Variants in B2M observed in about 807,000 individuals in gnomAD.
B2M encodes beta chain of MHC class I molecules.
In B2M, 3 loss-of-function variants were observed where a neutral mutation model predicts 14.5. The ratio of observed to expected loss-of-function variants is 0.21; its 90% CI spans 0.09 to 0.53. B2M has a LOEUF of 0.53. B2M is among the 20% of genes least tolerant of loss of function. The pLI is 0.95. For missense variants in B2M, 107 were observed against 140.8 expected, an observed-to-expected ratio of 0.76 and a Z score of 1.21; for synonymous variants, 45 against 52.7, an observed-to-expected ratio of 0.85 and a Z score of 0.64.
chr15:44,715,695 A>C lies in B2M; in HGVS notation c.340A>C (p.Lys114Gln), dbSNP rs372078625. The C allele has an allele frequency of 6.4e-5, 104 of 1,614,110 alleles. No homozygotes were observed. The highest frequency in any genetic ancestry group is 7.5e-5 in the Non-Finnish European group (89 of 1,180,042). The change falls in exon 2 of 4, where the codon AAG (lysine) becomes CAG (glutamine). Residue 114 changes from lysine to glutamine, a missense_variant. Lys to Gln is a moderately conservative substitution (Grantham distance 53, BLOSUM62 1). Transcript: ENST00000648006. ...GACTTTGTCACAGCCCAAGATAGTT[A>C]AGTGGGGTAAGTCTTACATTCTTTT... The part of the protein sequence containing the change: ...HVTLSQPKIV[K>Q]WDRDM
intron 3 of B2M, chr15:44,717,378 C>T (rs1267592172): frequency 1.3e-5 from 2 of 152,172 alleles, no homozygotes; most frequent in African/African-American, 4.8e-5. Context: ...GTCATATATA[C>T]AGTCCATCAT....
chr15:44,711,865 G>C, intron 1 of B2M: 1 of 615,300 alleles, frequency 1.6e-6, no homozygotes, highest in Non-Finnish European at 2.9e-6. Context: ...GGCCTACGGC[G>C]ACGGGAGGGT....
At chr15:44,713,311 T>G (rs2086908241) in intron 1 of B2M, 1 of 152,248 alleles carries the variant, frequency 6.6e-6, no homozygotes, top group Non-Finnish European at 1.5e-5. Context: ...CTGGTTATGT[T>G]AGATGTCATT....
Position 44,716,318 on chromosome 15 carries a change from C to T in B2M, c.347-11C>T, listed in dbSNP as rs1427688427. The T allele has an allele frequency of 6.2e-7, 1 of 1,611,524 alleles. No homozygotes were observed. Among genetic ancestry groups the T allele is most frequent in the East Asian group, 2.2e-5 (1 of 44,870 alleles). On this transcript the variant is annotated splice_polypyrimidine_tract_variant and intron_variant, in intron 2 of 3. Coordinates refer to ENST00000648006, the MANE Select transcript of B2M (RefSeq NM_004048.4). ...TGTCTTCCTTTTTTTTCTCCACTGT[C>T]TTTTTCATAGATCGAGACATGTAAG...
intron 2 of B2M, 43 bp from the exon 3 acceptor site, chr15:44,716,286 A>G: frequency 6.3e-7 from 1 of 1,593,444 alleles, no homozygotes; most frequent in Admixed American, 1.7e-5. Context: ...TTAAAAGTAA[A>G]ACTTAATGTC....
chr15:44,715,781 G>T, intron 2 of B2M, 80 bp downstream of exon 2: 1 of 1,549,454 alleles, frequency 6.5e-7, no homozygotes, highest in Non-Finnish European at 8.9e-7. Context: ...ATATAAAAAA[G>T]GTCTATGGCC....
In B2M at chr15:44,716,606, C is replaced by A. The variant is rs2086944275; in HGVS notation, c.*14+250C>A. 25 of 551,832 alleles carry A rather than the reference C, an allele frequency of 4.5e-5. 1 individual carries two copies. The South Asian group carries it at 6.2e-4, about 14-fold the overall frequency. The allele number at this position is 551,832 out of a possible 1,614,324, so 34.2% of individuals were successfully genotyped here. A position where few individuals can be genotyped will look rare whatever the true frequency, so the allele number is the denominator to read the frequency against. ...CAAAGGAACTGCCAGTATGGTATTG[C>A]AGGATAAAGGCAGGTGGTTACCCAC... On this transcript the variant is annotated intron_variant, in intron 3 of 3. Transcript: ENST00000648006.
intron 2 of B2M, 158 bp from the exon 3 acceptor site, chr15:44,716,171 G>T: frequency 1.2e-6 from 1 of 817,014 alleles, no homozygotes; most frequent in Non-Finnish European, 2.0e-6. Context: ...GGAAGGGCTT[G>T]TTCCTGCTGG....
intron 1 of B2M, 182 bp downstream of exon 1, chr15:44,711,795 G>A: frequency 1.2e-6 from 1 of 801,570 alleles, no homozygotes; most frequent in Non-Finnish European, 2.1e-6. Flanking sequence ...GTGGGGAAGG[G>A]GGTGCGCACC....
At chr15:44,711,939 CG>C in intron 1 of B2M, 1 of 499,438 alleles carries the variant, frequency 2.0e-6, no homozygotes. Flanking sequence ...GTTTCTCTTC[CG>C]CTCTTTCGCG....
At chr15:44,716,666 T>C in intron 3 of B2M, 1 of 459,636 alleles carries the variant, frequency 2.2e-6, no homozygotes, top group Non-Finnish European at 3.9e-6. Flanking sequence ...CTTCTGCCAT[T>C]TCCACATTGG....
At chr15:44,716,537 A>G (rs1227348705) in intron 3 of B2M, 181 bp downstream of exon 3, 10 of 686,680 alleles carry the variant, frequency 1.5e-5, no homozygotes, top group African/African-American at 3.6e-5. Context: ...AAGAAGGTGT[A>G]TGGCCCCAGG....
At chr15:44,715,751 C>T (rs760948131) in intron 2 of B2M, 50 bp downstream of exon 2, 24 of 1,606,142 alleles carry the variant, frequency 1.5e-5, no homozygotes, top group Non-Finnish European at 1.6e-5. Flanking sequence ...TATGAGTAGT[C>T]ATATCATAAA....
chr15:44,716,046 T>G lies in B2M; in HGVS notation c.347-283T>G, dbSNP rs2086937532. Reference sequence around the variant, plus strand: ...TGGCAGCTTCAGGTATATTTAGCACTGAACGAACATCTCAAGAAGGTATAG... The same window carrying G: ...TGGCAGCTTCAGGTATATTTAGCACGGAACGAACATCTCAAGAAGGTATAG... On this transcript the variant is annotated intron_variant, in intron 2 of 3. Transcript: ENST00000648006. The G allele has an allele frequency of 1.8e-5, 11 of 600,854 alleles. No homozygotes were observed. In the South Asian group the frequency reaches 2.2e-4, roughly 12 times the overall value. The allele number at this position is 600,854 out of a possible 1,614,324, so 37.2% of individuals were successfully genotyped here.
Position 44,716,331 on chromosome 15 carries a change from C to A in B2M, c.349C>A (p.Arg117=). ...TTTCTCCACTGTCTTTTTCATAGAT[C>A]GAGACATGTAAGCAGCATCATGGAG... ...LSQPKIVKWD[R]DM The change falls in exon 3 of 4, where the codon CGA becomes AGA. Residue 117 remains arginine, a splice_region_variant and synonymous_variant. Transcript: ENST00000648006. 6.2e-7 allele frequency: 1 copy of A among 1,612,390 alleles called. No individual in the cohort carries two copies. The highest frequency in any genetic ancestry group is 8.5e-7 in the Non-Finnish European group (1 of 1,178,574).
At chr15:44,715,901 G>A (rs760264022) in intron 2 of B2M, 200 bp downstream of exon 2, 1 of 712,894 alleles carries the variant, frequency 1.4e-6, no homozygotes, top group Non-Finnish European at 2.4e-6. Context: ...AGATACTGAT[G>A]CACAGCATGG....
intron 1 of B2M, chr15:44,711,924 G>A: frequency 1.8e-6 from 1 of 541,802 alleles, no homozygotes; most frequent in Non-Finnish European, 3.3e-6. Context: ...CGAGGTTGGG[G>A]GAGGGTTTCT....
chr15:44,712,823 C>G (rs1175210378), intron 1 of B2M: 1 of 151,828 alleles, frequency 6.6e-6, no homozygotes, highest in South Asian at 2.1e-4. Context: ...CATGGTGAAG[C>G]CTGGTCTCTA....
chr15:44,711,754 G>A, intron 1 of B2M, 141 bp downstream of exon 1: 1 of 1,139,328 alleles, frequency 8.8e-7, no homozygotes. Flanking sequence ...TCCAGGGCTG[G>A]ATCTCGGGGA....
Sources: gnomAD v4.1 joint callset for allele counts on GRCh38, gnomAD v4.1.1 for gene constraint, MANE v1.5 for transcripts, NCBI Gene and HGNC (gene_info 2026-07-23, HGNC 2026-07-21) for gene names.